The following APC variants were observed in gnomAD, a reference collection of about 807,000 sequenced individuals.
The protein encoded by APC is adenomatous polyposis coli protein.
Under a neutral mutation model 247.0 loss-of-function variants are expected in APC, and 72 were observed. That is an observed-to-expected ratio of 0.29 (90% CI 0.24 to 0.35). The LOEUF is 0.35. Among genes scored for constraint, APC ranks in the 10% least tolerant of loss-of-function variants. APC has a pLI of 1.00. For synonymous variants in APC, 1,254 were observed against 1,162.5 expected (o/e 1.08, Z -1.60); for missense variants, 3,400 against 3,360.7 (o/e 1.01, Z -0.29).
At chr5:112,766,296 C>G in intron 2 of APC, 30 bp from the exon 3 acceptor site, 1 of 1,426,546 alleles carries the variant, frequency 7.0e-7, no homozygotes, top group Non-Finnish European at 9.9e-7. Context: ...TTTAGAATTT[C>G]ATGTTAATAT....
rs769121879 is a variant in APC, at chr5:112,840,264, T to C, written c.4670T>C (p.Ile1557Thr). The C allele has an allele frequency of 4.3e-6, 7 of 1,614,138 alleles. No individual in the cohort carries two copies. The highest frequency in any genetic ancestry group is 2.2e-5 in the South Asian group (2 of 91,090). ...CAAGAGAAAGAGGCAGAAAAAACTA[T>C]TGATTCTGAAAAGGACCTATTAGAT... ...ENQEKEAEKT[I>T]DSEKDLLDDS... Residue 1557 changes from isoleucine (I) to threonine (T), a missense_variant, in exon 16 of 16, where the codon ATT becomes ACT. Ile to Thr is a moderately conservative substitution (Grantham distance 89, BLOSUM62 -1). Around this residue, in one of 9 missense-constraint regions of APC, gnomAD observed 1,788 missense variants for 1,649.5 expected, o/e 1.08. Coordinates refer to ENST00000257430, the MANE Select transcript of APC (RefSeq NM_000038.6). The surrounding 1 kb of genome is among the most constrained non-coding windows in gnomAD (Gnocchi z 4.1).
Position 112,767,231 on chromosome 5 carries a change from G to T in APC, c.263G>T (p.Arg88Leu), listed in dbSNP as rs587780592. ...DSSNFPGVKL[R>L]SKMSLRSYGS... is the part of the protein sequence containing the mutation. ...AGTAATTTCCCTGGAGTAAAACTGC[G>T]GTCAAAAATGTCCCTCCGTTCTTAT... is the stretch of plus-strand genomic sequence containing the variant. The change falls in exon 4 of 16, where the codon CGG (arginine) becomes CTG (leucine). Residue 88 changes from arginine to leucine, a missense_variant. Arg to Leu is a moderately radical substitution (Grantham distance 102, BLOSUM62 -2). Coordinates refer to ENST00000257430, the MANE Select transcript of APC (RefSeq NM_000038.6). 1.2e-6 allele frequency: 2 copies of T among 1,614,008 alleles called. No individual in the cohort carries two copies. The highest frequency in any genetic ancestry group is 1.7e-5 in the Admixed American group (1 of 60,012).
intron 7 of APC, among the ~76,000 whole-genome samples, chr5:112,799,410 C>A (rs1399098248): frequency 3.3e-5 from 5 of 151,904 alleles, no homozygotes; most frequent in Non-Finnish European, 7.4e-5. Flanking sequence ...TCCTCCACTC[C>A]CCATATCCTG....
intron 8 of APC, among the ~76,000 whole-genome samples, chr5:112,803,767 A>G (rs1298617214): frequency 1.3e-5 from 2 of 152,226 alleles, no homozygotes; most frequent in Non-Finnish European, 2.9e-5. Flanking sequence ...CATCCATGCA[A>G]ATATTAAAAA....
chr5:112,707,766 G>A lies in APC; in HGVS notation c.49G>A (p.Val17Ile), dbSNP rs1750606571. 1 of 1,370,646 alleles carries A rather than the reference G, an allele frequency of 7.3e-7. No individual in the cohort carries two copies. The highest frequency in any genetic ancestry group is 9.6e-7 in the Non-Finnish European group (1 of 1,038,794). The allele number at this position is 1,370,646 out of a possible 1,614,324, so 84.9% of individuals were successfully genotyped here. ...TCCGGTCGCCCCTTTGCCCGCTTCT[G>A]TACCACCCTCAGTTCTCGGGTCCTG... is the stretch of plus-strand genomic sequence containing the variant. The change falls in exon 1 of 14, where the codon GTA becomes ATA. Residue 17 changes from valine to isoleucine, a missense_variant. Transcript: ENST00000507379.
chr5:112,810,302 A>G (rs1761861058), intron 8 of APC: 1 of 295,092 alleles, frequency 3.4e-6, no homozygotes, highest in Admixed American at 4.4e-5. Context: ...GGCGATGGAT[A>G]TATACGCAGG....
chr5:112,753,973 T>G (rs909589923), intron 1 of APC, among the ~76,000 whole-genome samples: 3 of 152,144 alleles, frequency 2.0e-5, no homozygotes, highest in Non-Finnish European at 2.9e-5. Flanking sequence ...TTGGTTAATC[T>G]TAATATAACT....
Position 112,837,641 on chromosome 5 carries a change from A to G in APC, c.2047A>G (p.Thr683Ala), listed in dbSNP as rs749130507. 6.2e-6 allele frequency: 10 copies of G among 1,613,606 alleles called. No individual in the cohort carries two copies. The highest frequency in any genetic ancestry group is 7.6e-6 in the Non-Finnish European group (9 of 1,179,632). Reference sequence around the variant, plus strand: ...GACAATAGTCAGTAATGCATGTGGAACTTTGTGGAATCTCTCAGCAAGAAA... The same window carrying G: ...GACAATAGTCAGTAATGCATGTGGAGCTTTGTGGAATCTCTCAGCAAGAAA... The part of the protein sequence containing the change: ...SLTIVSNACG[T>A]LWNLSARNPK... Residue 683 changes from threonine to alanine, a missense_variant, in exon 16 of 16, where the codon ACT becomes GCT. By Grantham distance (58) the Thr-to-Ala change is moderately conservative (BLOSUM62 0). Transcript: ENST00000257430.
At chr5:112,836,810 C>T (rs183292979) in intron 15 of APC, among the ~76,000 whole-genome samples, 2 of 152,116 alleles carry the variant, frequency 1.3e-5, no homozygotes, top group East Asian at 1.9e-4. Flanking sequence ...AAGTGATTCT[C>T]CTGGCTCAGC....
intron 2 of APC, among the ~76,000 whole-genome samples, 189 bp from the exon 3 acceptor site, chr5:112,766,137 C>G (rs1410733578): frequency 6.6e-6 from 1 of 152,004 alleles, no homozygotes; most frequent in African/African-American, 2.4e-5. Flanking sequence ...ACCATTATCT[C>G]AAAATATCAC....
At chr5:112,708,294 A>G (rs1750647984) in intron 1 of APC, among the ~76,000 whole-genome samples, 1 of 152,116 alleles carries the variant, frequency 6.6e-6, no homozygotes, top group Non-Finnish European at 1.5e-5. Context: ...CGGCATGTGG[A>G]GTTACAAAGA....
At position 112,838,404 on chromosome 5, in the gene APC, T is replaced by G; in HGVS notation, c.2810T>G (p.Phe937Cys). Residue 937 changes from phenylalanine (F) to cysteine (C), a missense_variant, in exon 16 of 16, where the codon TTC becomes TGC. Physicochemically the swap from Phe to Cys is radical, Grantham distance 205. Transcript: ENST00000257430. ...CATACACATTCAAACACTTACAATT[T>G]CACTAAGTCGGAAAATTCAAATAGG... Reference protein sequence around the residue: ...AAHTHSNTYNFTKSENSNRTC... With the variant: ...AAHTHSNTYNCTKSENSNRTC... The G allele has an allele frequency of 1.9e-6, 3 of 1,614,148 alleles. No homozygotes were observed. The highest frequency in any genetic ancestry group is 2.5e-6 in the Non-Finnish European group (3 of 1,180,024).
Position 112,845,186 on chromosome 5 carries a change from A to C in APC, c.*1060A>C, listed in dbSNP as rs1005818490. ...ATGCGTTGGCACTTATCTATTCCTG[A>C]AATTTCTTTTATGTGATTAGCTCAT... On this transcript the variant is annotated 3_prime_UTR_variant, in exon 16 of 16. Coordinates refer to ENST00000257430, the MANE Select transcript of APC (RefSeq NM_000038.6). 4.3e-6 allele frequency: 1 copy of C among 232,566 alleles called. No homozygotes were observed. Among genetic ancestry groups the C allele is most frequent in the Non-Finnish European group, 8.5e-6 (1 of 117,466 alleles). The allele number at this position is 232,566 out of a possible 1,614,324, so 14.4% of individuals were successfully genotyped here.
chr5:112,769,434 T>C (rs1025623215), intron 4 of APC, among the ~76,000 whole-genome samples: 1 of 152,212 alleles, frequency 6.6e-6, no homozygotes, highest in Non-Finnish European at 1.5e-5. Flanking sequence ...TTTTCACAGC[T>C]AGTGTATTAA....
intron 11 of APC, among the ~76,000 whole-genome samples, chr5:112,826,646 A>G (rs1431580432): frequency 6.6e-6 from 1 of 151,422 alleles, no homozygotes. Flanking sequence ...ATTTAAAGGC[A>G]TCCGTATTCC....
At chr5:112,762,030 A>G (rs1755728336) in intron 2 of APC, among the ~76,000 whole-genome samples, 1 of 152,242 alleles carries the variant, frequency 6.6e-6, no homozygotes, top group South Asian at 2.1e-4. Flanking sequence ...CCTTCAGAAT[A>G]TATAAATCCC....
At chr5:112,767,154 ATTG>A (rs1756421351) in intron 3 of APC, 32 bp from the exon 4 acceptor site, 2 of 1,499,672 alleles carry the variant, frequency 1.3e-6, no homozygotes, top group African/African-American at 1.4e-5. Flanking sequence ...GCTTAAAGCA[ATTG>A]TTGTATAAAA....
chr5:112,767,352 A>G lies in APC; in HGVS notation c.384A>G (p.Arg128=), dbSNP rs876659284. The change falls in exon 4 of 16, where the codon AGA becomes AGG. Residue 128 remains arginine, a synonymous_variant. Coordinates refer to ENST00000257430, the MANE Select transcript of APC (RefSeq NM_000038.6). ...GAAGAGGGTTTGTAAATGGAAGCAG[A>G]GAAAGTACTGGATATTTAGAAGAAC... is the stretch of plus-strand genomic sequence containing the variant. The part of the protein sequence containing the change: ...FPRRGFVNGS[R]ESTGYLEELE... 3 of 1,614,054 alleles carry G rather than the reference A, an allele frequency of 1.9e-6. No homozygotes were observed. Among genetic ancestry groups the G allele is most frequent in the Non-Finnish European group, 2.5e-6 (3 of 1,180,014 alleles).
intron 7 of APC, among the ~76,000 whole-genome samples, chr5:112,797,042 C>A (rs756935886): frequency 1.3e-5 from 2 of 152,042 alleles, no homozygotes; most frequent in South Asian, 2.1e-4. Flanking sequence ...AGTACTGTTA[C>A]AAGTTTCAGG....
Sources: gnomAD v4.1 joint callset for allele counts (sites outside exome capture counted in the v4.1 genomes callset) on GRCh38, gnomAD v4.1.1 for gene constraint, gnomAD v4.1.1 regional missense constraint, Gnocchi (gnomAD v3.1) non-coding constraint, MANE v1.5 for transcripts, NCBI Gene and HGNC (gene_info 2026-07-23, HGNC 2026-07-21) for gene names.